MICAL3: variants seen among roughly 807,000 people sequenced by gnomAD.
MICAL3 encodes the protein microtubule associated monooxygenase, calponin and LIM domain containing 3.
MICAL3 carries 62 observed loss-of-function variants against 207.4 expected under a neutral mutation model. The observed-to-expected ratio is 0.30, with a 90% CI of 0.24 to 0.37. MICAL3 has a LOEUF of 0.37. Ranked by LOEUF, MICAL3 falls within the 10% of genes least tolerant of loss-of-function variation. The probability of loss-of-function intolerance (pLI) is 1.00; values close to 1 mark genes in which losing one functional copy is unlikely to be tolerated. For missense variants in MICAL3, 2,368 were observed against 2,635.6 expected (o/e 0.90, Z 2.22); for synonymous variants, 1,077 against 1,069.3 (o/e 1.01, Z -0.14).
At chr22:17,795,260 G>A (rs1032197250) in intron 29 of MICAL3, among the ~76,000 whole-genome samples, 7 of 152,244 alleles carry the variant, frequency 4.6e-5, no homozygotes, top group Non-Finnish European at 8.8e-5. Context: ...CCTTACAGCC[G>A]ACCTACAGTC....
rs531728925 is a variant in MICAL3 at position 17,958,703 on chromosome 22, T to G, written c.-74-51817A>C. 3.5e-3 allele frequency among the ~76,000 whole-genome samples: 476 copies of G among 136,242 alleles called. 3 individuals are homozygous for G. The highest frequency in any genetic ancestry group is 0.015 in the African/African-American group (447 of 30,688). 89.4% of individuals were successfully genotyped at this position (136,242 alleles called of 152,430 possible). On this transcript the variant is annotated intron_variant, in intron 1 of 31. Transcript: ENST00000441493. ...GTTGTTTTTGAGTTGTTGGGTTTTT[T>G]TATTTTTTTTTTCTTTTGAGACAGA...
At chr22:17,828,527 C>A (rs1283700665) in intron 21 of MICAL3, among the ~76,000 whole-genome samples, 1 of 152,202 alleles carries the variant, frequency 6.6e-6, no homozygotes, top group Non-Finnish European at 1.5e-5. Flanking sequence ...AGAGCTCTTT[C>A]ATGTACGTTT....
intron 1 of MICAL3, among the ~76,000 whole-genome samples, chr22:17,947,276 GC>G (rs1569142804): frequency 6.6e-6 from 1 of 152,174 alleles, no homozygotes; most frequent in East Asian, 1.9e-4. Context: ...AGGACAGTGG[GC>G]CCCCCAGCAT....
chr22:17,856,484 C>G (rs1459014857), intron 19 of MICAL3, among the ~76,000 whole-genome samples: 1 of 152,182 alleles, frequency 6.6e-6, no homozygotes. Flanking sequence ...CCTGCACCCT[C>G]CACCCCAGCG....
chr22:17,957,273 T>C (rs1043079506), intron 1 of MICAL3, among the ~76,000 whole-genome samples: 2 of 152,210 alleles, frequency 1.3e-5, no homozygotes, highest in Admixed American at 6.5e-5. Flanking sequence ...GACAAAATCC[T>C]GATGGCCATG....
intron 19 of MICAL3, among the ~76,000 whole-genome samples, chr22:17,854,582 G>A (rs1300874908): frequency 6.6e-6 from 1 of 152,110 alleles, no homozygotes; most frequent in African/African-American, 2.4e-5. Context: ...AGAGGTGCAT[G>A]CTGTGACAAA....
At chr22:18,015,389 G>T (rs56718526) in intron 1 of MICAL3, among the ~76,000 whole-genome samples, 31,215 of 149,832 alleles carry the variant, frequency 0.21, 3,800 homozygotes, top group East Asian at 0.38. Flanking sequence ...ATAACAGCAA[G>T]AGAATTTTAC....
intron 1 of MICAL3, among the ~76,000 whole-genome samples, chr22:18,017,505 G>A (rs566888482): frequency 8.6e-5 from 13 of 151,846 alleles, no homozygotes; most frequent in Non-Finnish European, 1.5e-4. Context: ...ATGAGCCACC[G>A]TGCCTGGCCT....
In MICAL3 at chr22:18,001,746, G is replaced by C. The variant is rs113154974; in HGVS notation, c.-75+22535C>G. On this transcript the variant is annotated intron_variant, in intron 1 of 31. Coordinates refer to ENST00000441493, the MANE Select transcript of MICAL3 (RefSeq NM_015241.3). Reference sequence around the variant, plus strand: ...CTTCGTCCTCTCCGTCCCCCTGCAGGATCCATATGGTACATTCCTCAAAGC... The same window carrying C: ...CTTCGTCCTCTCCGTCCCCCTGCAGCATCCATATGGTACATTCCTCAAAGC... 7.8e-3 allele frequency among the ~76,000 whole-genome samples: 1,188 copies of C among 152,358 alleles called. 19 individuals are homozygous for C. Among genetic ancestry groups the C allele is most frequent in the African/African-American group, 0.028 (1,145 of 41,584 alleles).
chr22:17,851,896 G>A (rs899785677), intron 19 of MICAL3, among the ~76,000 whole-genome samples: 12 of 152,226 alleles, frequency 7.9e-5, no homozygotes, highest in Non-Finnish European at 1.6e-4. Flanking sequence ...TCACCAGAAA[G>A]GGGCCCAGTG....
intron 20 of MICAL3, among the ~76,000 whole-genome samples, chr22:17,833,482 G>A (rs1923033398): frequency 6.6e-6 from 1 of 152,240 alleles, no homozygotes; most frequent in African/African-American, 2.4e-5. Flanking sequence ...TTGTGTGTGA[G>A]AGGGCGAACC....
At chr22:17,877,634 C>A (rs1252737101) in intron 16 of MICAL3, among the ~76,000 whole-genome samples, 1 of 151,294 alleles carries the variant, frequency 6.6e-6, no homozygotes, top group Non-Finnish European at 1.5e-5. Context: ...AAGAAAAGAA[C>A]TTAAGTAGTG....
chr22:17,993,639 C>CG (rs1921943431), intron 1 of MICAL3, among the ~76,000 whole-genome samples: 1 of 152,108 alleles, frequency 6.6e-6, no homozygotes, highest in African/African-American at 2.4e-5. Context: ...AAGTGCCCCC[C>CG]GGGAAGCCCC....
In MICAL3 at chr22:17,817,491, G is replaced by C. The variant is rs1278878271; in HGVS notation, c.5170C>G (p.Pro1724Ala). Residue 1724 changes from proline (P) to alanine (A), a missense_variant, in exon 26 of 32, where the codon CCC (proline) becomes GCC (alanine). By Grantham distance (27) the Pro-to-Ala change is conservative. Around this residue, in one of 4 missense-constraint regions of MICAL3, gnomAD observed 1,770 missense variants for 1,863.2 expected, o/e 0.95. Coordinates refer to ENST00000441493, the MANE Select transcript of MICAL3 (RefSeq NM_015241.3). ...GCTTCTTCTAGGAGGTTGGAGCTGG[G>C]CTTCTCCGGGGGCCGGCCCTCGCCT... ...SKGEGRPPEK[P>A]SSNLLEEAAA... 1 of 1,613,660 alleles carries C rather than the reference G, an allele frequency of 6.2e-7. No homozygotes were observed. Among genetic ancestry groups the C allele is most frequent in the African/African-American group, 1.3e-5 (1 of 74,922 alleles).
At chr22:17,992,355 G>T (rs1203077255) in intron 1 of MICAL3, among the ~76,000 whole-genome samples, 2 of 152,162 alleles carry the variant, frequency 1.3e-5, no homozygotes, top group South Asian at 4.1e-4. Context: ...AATCTTATGT[G>T]CAAGAAATAA....
rs184244789 is a variant in MICAL3, at chr22:17,801,481, A to G, written c.5650+7363T>C. 4.5e-3 allele frequency among the ~76,000 whole-genome samples: 684 copies of G among 151,354 alleles called. 5 individuals carry two copies. Among genetic ancestry groups the G allele is most frequent in the African/African-American group, 0.016 (653 of 41,322 alleles). ...TGAGTTTCCTTTTTCTATTTATTTC[A>G]TTTCCCCCTGGAACTTGCTGGAATT... is the stretch of plus-strand genomic sequence containing the variant. On this transcript the variant is annotated intron_variant, in intron 29 of 31. Transcript: ENST00000441493.
intron 1 of MICAL3, chr22:18,019,283 GC>G (rs1195905296): frequency 6.5e-6 from 1 of 154,770 alleles, no homozygotes; most frequent in Non-Finnish European, 1.5e-5. Context: ...TGTGTATTCT[GC>G]CACATCAATG....
chr22:17,823,304 G>A (rs1403622069), intron 22 of MICAL3, among the ~76,000 whole-genome samples: 1 of 152,200 alleles, frequency 6.6e-6, no homozygotes, highest in Non-Finnish European at 1.5e-5. Context: ...AGAGAAGAGC[G>A]GCTGAAGGTG....
intron 1 of MICAL3, among the ~76,000 whole-genome samples, chr22:17,947,020 T>C (rs1195882307): frequency 6.6e-6 from 1 of 152,048 alleles, no homozygotes; most frequent in African/African-American, 2.4e-5. Flanking sequence ...GGACAAAAAG[T>C]GGGAGGGAAG....
Sources: allele counts gnomAD v4.1 joint callset (sites outside exome capture counted in the v4.1 genomes callset), GRCh38; gene constraint gnomAD v4.1.1; regional missense constraint gnomAD v4.1.1; transcripts MANE v1.5; gene names NCBI Gene and HGNC (gene_info 2026-07-23, HGNC 2026-07-21).